Variants in SVEP1 observed in about 807,000 individuals in gnomAD.
SVEP1 encodes sushi, von Willebrand factor type A, EGF and pentraxin domain-containing protein 1.
In SVEP1, 164 loss-of-function variants were observed where a neutral mutation model predicts 367.3. The ratio of observed to expected loss-of-function variants is 0.45; its 90% CI spans 0.39 to 0.51. The LOEUF (loss-of-function observed/expected upper bound fraction) is 0.51. Ranked by LOEUF, SVEP1 falls within the 20% of genes least tolerant of loss-of-function variation. The probability of loss-of-function intolerance (pLI) is 0.00; values close to 1 mark genes in which losing one functional copy is unlikely to be tolerated. For missense variants in SVEP1, 4,117 were observed against 4,425.3 expected, an observed-to-expected ratio of 0.93 and a Z score of 1.98; for synonymous variants, 1,666 against 1,611.6, an observed-to-expected ratio of 1.03 and a Z score of -0.81.
intron 3 of SVEP1, among the ~76,000 whole-genome samples, chr9:110,517,928 G>A (rs1346656881): frequency 6.6e-6 from 1 of 151,918 alleles, no homozygotes; most frequent in East Asian, 1.9e-4. Flanking sequence ...AAATACTAAA[G>A]AAAGTCTAAG....
chr9:110,574,947 G>A (rs1023672758), intron 1 of SVEP1, among the ~76,000 whole-genome samples: 15 of 151,852 alleles, frequency 9.9e-5, no homozygotes, highest in Non-Finnish European at 2.2e-4. Context: ...GAGTTTCACC[G>A]TGTTAGCCAG....
chr9:110,405,717 T>C (rs1827943797), intron 38 of SVEP1, among the ~76,000 whole-genome samples: 1 of 152,230 alleles, frequency 6.6e-6, no homozygotes, highest in Admixed American at 6.5e-5. Context: ...ATATTTCTTT[T>C]AATCCTGATT....
chr9:110,425,838 G>A (rs1432828737), intron 36 of SVEP1, among the ~76,000 whole-genome samples: 1 of 152,040 alleles, frequency 6.6e-6, no homozygotes, highest in Non-Finnish European at 1.5e-5. Context: ...CAAAATTCTA[G>A]GAAGAAATGA....
intron 40 of SVEP1, among the ~76,000 whole-genome samples, chr9:110,390,034 T>C (rs537663426): frequency 1.0e-3 from 126 of 120,328 alleles, no homozygotes; most frequent in African/African-American, 3.7e-3. Context: ...TGTGTATATA[T>C]ATATAAGTAT....
intron 36 of SVEP1, among the ~76,000 whole-genome samples, chr9:110,425,593 AG>A (rs1828242076): frequency 6.6e-6 from 1 of 152,242 alleles, no homozygotes; most frequent in Non-Finnish European, 1.5e-5. Flanking sequence ...TGATTCACAT[AG>A]AATTCCTCTA....
chr9:110,468,796 T>C, intron 17 of SVEP1, 144 bp downstream of exon 17: 4 of 738,864 alleles, frequency 5.4e-6, no homozygotes, highest in Non-Finnish European at 8.2e-6. Context: ...TAAATGTGTA[T>C]GCTTTTCTCT....
At chr9:110,424,314 A>G (rs1474696994) in intron 36 of SVEP1, among the ~76,000 whole-genome samples, 1 of 151,494 alleles carries the variant, frequency 6.6e-6, no homozygotes, top group African/African-American at 2.4e-5. Context: ...GTGAAAATAA[A>G]TTCAGTTGAT....
intron 3 of SVEP1, among the ~76,000 whole-genome samples, chr9:110,535,356 A>G (rs1209594631): frequency 2.0e-5 from 3 of 151,952 alleles, no homozygotes; most frequent in African/African-American, 7.3e-5. Context: ...TGGGCTGTCT[A>G]TTCTGTTCCA....
At chr9:110,486,529 TTC>T (rs531140626) in intron 9 of SVEP1, among the ~76,000 whole-genome samples, 8 of 150,980 alleles carry the variant, frequency 5.3e-5, no homozygotes, top group Admixed American at 1.3e-4. Flanking sequence ...TGTATTTTCT[TTC>T]TCTCTCTCTC....
chr9:110,403,955 A>G (rs1827912066), intron 39 of SVEP1, among the ~76,000 whole-genome samples: 1 of 151,940 alleles, frequency 6.6e-6, no homozygotes, highest in East Asian at 1.9e-4. Context: ...AGGATTTGAC[A>G]CCAATTATCT....
intron 45 of SVEP1, among the ~76,000 whole-genome samples, chr9:110,376,454 A>G (rs1827352946): frequency 6.6e-6 from 1 of 152,208 alleles, no homozygotes; most frequent in Non-Finnish European, 1.5e-5. Context: ...ATTTGAGAAT[A>G]CTTGTTTTGG....
chr9:110,400,370 C>CTTTT (rs112666557), intron 40 of SVEP1, among the ~76,000 whole-genome samples: 1 of 147,088 alleles, frequency 6.8e-6, no homozygotes. Context: ...ACTTATTTTG[C>CTTTT]TTTTTTTTTT....
chr9:110,469,364 A>G (rs1330997173), intron 16 of SVEP1, among the ~76,000 whole-genome samples: 1 of 152,232 alleles, frequency 6.6e-6, no homozygotes, highest in Non-Finnish European at 1.5e-5. Context: ...TGGGGGTTTA[A>G]AAGTGTGGGT....
intron 8 of SVEP1, 53 bp from the exon 9 acceptor site, chr9:110,489,832 C>CAAAA: frequency 6.4e-7 from 1 of 1,556,778 alleles, no homozygotes; most frequent in Non-Finnish European, 8.7e-7. Flanking sequence ...TGCGTTTATT[C>CAAAA]TTTTCTGATT....
intron 14 of SVEP1, among the ~76,000 whole-genome samples, chr9:110,474,741 C>T (rs2118680550): frequency 6.6e-6 from 1 of 152,244 alleles, no homozygotes; most frequent in African/African-American, 2.4e-5. Context: ...CCAAAATGTT[C>T]ACTAAAGTGC....
At chr9:110,528,115 T>TATAC (rs1454195450) in intron 3 of SVEP1, among the ~76,000 whole-genome samples, 1 of 143,604 alleles carries the variant, frequency 7.0e-6, no homozygotes, top group Non-Finnish European at 1.5e-5. Flanking sequence ...CATATACATA[T>TATAC]ATACATACAT....
At position 110,396,261 on chromosome 9, in the gene SVEP1, C is replaced by T. The variant is rs1323504086; in HGVS notation, c.9822+4593G>A. ...TCCTGAATGACTACTGGGTACATAACGAAATGAAGGCAGAAATAAAGATGT... is the reference window on the plus strand; with the variant it reads ...TCCTGAATGACTACTGGGTACATAATGAAATGAAGGCAGAAATAAAGATGT... On this transcript the variant is annotated intron_variant, in intron 40 of 47. Transcript: ENST00000374469. Among the ~76,000 whole-genome samples the T allele has an allele frequency of 5.3e-5, 8 of 150,888 alleles. No homozygotes were observed. The South Asian group carries it at 6.3e-4, about 12-fold the overall frequency.
At chr9:110,491,517 G>GT (rs148356705) in intron 8 of SVEP1, among the ~76,000 whole-genome samples, 107 of 151,296 alleles carry the variant, frequency 7.1e-4, no homozygotes, top group African/African-American at 2.5e-3. Flanking sequence ...ATCTTGCATT[G>GT]TAAGTAGAAT....
chr9:110,465,783 G>A, intron 18 of SVEP1, 82 bp downstream of exon 18: 1 of 1,486,790 alleles, frequency 6.7e-7, no homozygotes, highest in Non-Finnish European at 9.1e-7. Flanking sequence ...GTAGATGTAT[G>A]TTTTTGCAGA....
Sources: gnomAD v4.1 joint callset for allele counts (sites outside exome capture counted in the v4.1 genomes callset) on GRCh38, gnomAD v4.1.1 for gene constraint, MANE v1.5 for transcripts, NCBI Gene and HGNC (gene_info 2026-07-23, HGNC 2026-07-21) for gene names.